Variants in EFCAB11 observed in about 807,000 individuals in gnomAD.
The protein encoded by EFCAB11 is EF-hand calcium binding domain 11.
EFCAB11 carries 14 observed loss-of-function variants against 23.0 expected under a neutral mutation model. That is an observed-to-expected ratio of 0.61 (90% CI 0.40 to 0.95). The LOEUF (loss-of-function observed/expected upper bound fraction) is 0.95, where lower values mean the gene tolerates loss of function less well. Ranked by LOEUF, EFCAB11 falls within the 40% of genes least tolerant of loss-of-function variation. The probability of loss-of-function intolerance (pLI) is 0.00; values close to 1 mark genes in which losing one functional copy is unlikely to be tolerated. For missense variants in EFCAB11, 198 were observed against 195.8 expected (o/e 1.01, Z -0.07); for synonymous variants, 65 against 66.6 (o/e 0.98, Z 0.11).
chr14:89,896,623 A>G (rs1367801376), intron 5 of EFCAB11, among the ~76,000 whole-genome samples: 2 of 152,250 alleles, frequency 1.3e-5, no homozygotes, highest in Non-Finnish European at 2.9e-5. Flanking sequence ...AAGTGTTCAT[A>G]CAGTATTAAT....
At chr14:89,811,938 A>G (rs547317401) in intron 5 of EFCAB11, among the ~76,000 whole-genome samples, 1 of 152,358 alleles carries the variant, frequency 6.6e-6, no homozygotes, top group African/African-American at 2.4e-5. Context: ...CACAAAGAAC[A>G]TGGACATTGG....
chr14:89,913,839 T>C (rs1162211722), intron 5 of EFCAB11, among the ~76,000 whole-genome samples: 1 of 152,192 alleles, frequency 6.6e-6, no homozygotes, highest in Non-Finnish European at 1.5e-5. Flanking sequence ...TTTAAATTTA[T>C]CTTTCTTGCT....
At chr14:89,886,720 A>G (rs1888798035) in intron 5 of EFCAB11, among the ~76,000 whole-genome samples, 1 of 152,134 alleles carries the variant, frequency 6.6e-6, no homozygotes, top group Admixed American at 6.5e-5. Flanking sequence ...TATGTTTAAA[A>G]TATTTCTAAT....
rs183634588 is a variant in EFCAB11 at position 89,826,956 on chromosome 14, C to A, written c.411-29632G>T. Among the ~76,000 whole-genome samples the A allele has an allele frequency of 1.6e-3, 242 of 152,246 alleles. 3 individuals carry two copies. The highest frequency in any genetic ancestry group is 0.016 in the Admixed American group (239 of 15,300). On this transcript the variant is annotated intron_variant, in intron 5 of 5. Coordinates refer to ENST00000316738, the MANE Select transcript of EFCAB11 (RefSeq NM_145231.4). Reference sequence around the variant, plus strand: ...AGCACTGCATTTTGGGCCAAAGACACAATCAAACCATTCCCAGACCACCTG... The same window carrying A: ...AGCACTGCATTTTGGGCCAAAGACAAAATCAAACCATTCCCAGACCACCTG...
At chr14:89,804,341 G>C (rs567067493) in intron 5 of EFCAB11, among the ~76,000 whole-genome samples, 1 of 152,202 alleles carries the variant, frequency 6.6e-6, no homozygotes, top group Non-Finnish European at 1.5e-5. Context: ...GCCTGTGCAC[G>C]AATTATTGAA....
chr14:89,845,025 C>G (rs1007942362), intron 5 of EFCAB11, among the ~76,000 whole-genome samples: 3 of 152,070 alleles, frequency 2.0e-5, no homozygotes, highest in Non-Finnish European at 4.4e-5. Flanking sequence ...AGGAATATAT[C>G]TAACATTAAA....
intron 5 of EFCAB11, among the ~76,000 whole-genome samples, chr14:89,883,370 C>T (rs1888659623): frequency 6.6e-6 from 1 of 152,094 alleles, no homozygotes; most frequent in Non-Finnish European, 1.5e-5. Context: ...ATATAGTCAT[C>T]GCTTGGTATC....
Position 89,954,009 on chromosome 14 carries a change from A to G in EFCAB11, c.76-8T>C, listed in dbSNP as rs375021475. On this transcript the variant is annotated splice_region_variant and splice_polypyrimidine_tract_variant and intron_variant, in intron 1 of 5. Transcript: ENST00000316738. Reference sequence around the variant, plus strand: ...ATCACATGCTTTAAATACCTGAAGAACATTAAATAGCTTTAGTTAATGAGA... The same window carrying G: ...ATCACATGCTTTAAATACCTGAAGAGCATTAAATAGCTTTAGTTAATGAGA... 16 of 1,604,274 alleles carry G rather than the reference A, an allele frequency of 1.0e-5. No individual in the cohort carries two copies. The African/African-American group carries it at 1.7e-4, about 17-fold the overall frequency.
intron 2 of EFCAB11, among the ~76,000 whole-genome samples, chr14:89,950,575 TGAA>T (rs1891133611): frequency 6.6e-6 from 1 of 152,164 alleles, no homozygotes; most frequent in Non-Finnish European, 1.5e-5. Flanking sequence ...CAAAAAATTA[TGAA>T]GAAAATTAAA....
intron 5 of EFCAB11, chr14:89,892,505 GTTAGTATC>G: frequency 7.6e-7 from 1 of 1,312,408 alleles, no homozygotes; most frequent in Middle Eastern, 1.9e-4. Flanking sequence ...GATGGGGAAT[GTTAGTATC>G]TCTCTGGAGG....
At chr14:89,954,426 A>G in intron 1 of EFCAB11, 160 bp downstream of exon 1, 1 of 1,536,818 alleles carries the variant, frequency 6.5e-7, no homozygotes, top group Non-Finnish European at 8.7e-7. Flanking sequence ...GGGAGCCAGG[A>G]GCCCTGCAGC....
At chr14:89,832,705 T>G (rs912977241) in intron 5 of EFCAB11, among the ~76,000 whole-genome samples, 1 of 152,228 alleles carries the variant, frequency 6.6e-6, no homozygotes, top group Non-Finnish European at 1.5e-5. Flanking sequence ...TAGCCTACAG[T>G]TGGGCAAAAT....
At chr14:89,954,028 A>T in intron 1 of EFCAB11, 27 bp from the exon 2 acceptor site, 1 of 1,578,330 alleles carries the variant, frequency 6.3e-7, no homozygotes, top group South Asian at 1.1e-5. Context: ...AGCTTTAGTT[A>T]ATGAGACAGA....
chr14:89,852,438 T>C (rs1887626163), intron 5 of EFCAB11, among the ~76,000 whole-genome samples: 1 of 152,172 alleles, frequency 6.6e-6, no homozygotes, highest in Non-Finnish European at 1.5e-5. Context: ...TTCGCCTTGT[T>C]CGAGGTTATG....
intron 5 of EFCAB11, among the ~76,000 whole-genome samples, chr14:89,819,121 C>A (rs1460589073): frequency 1.3e-5 from 2 of 152,168 alleles, no homozygotes; most frequent in Non-Finnish European, 2.9e-5. Flanking sequence ...TGGAAACAAA[C>A]CCAACGCCCA....
chr14:89,932,751 A>T, intron 3 of EFCAB11, 124 bp from the exon 4 acceptor site: 1 of 795,126 alleles, frequency 1.3e-6, no homozygotes, highest in African/African-American at 1.7e-5. Flanking sequence ...TTTGGTGAAC[A>T]GTATTTACTC....
At chr14:89,893,621 T>C (rs1281386429) in intron 5 of EFCAB11, among the ~76,000 whole-genome samples, 1 of 151,994 alleles carries the variant, frequency 6.6e-6, no homozygotes, top group Non-Finnish European at 1.5e-5. Context: ...ACTCTGAAAG[T>C]CAAACCCAAC....
At chr14:89,832,254 A>G (rs1043013663) in intron 5 of EFCAB11, among the ~76,000 whole-genome samples, 1 of 152,132 alleles carries the variant, frequency 6.6e-6, no homozygotes, top group Non-Finnish European at 1.5e-5. Flanking sequence ...CAGAGGTTGC[A>G]GTGAGCCGAG....
chr14:89,885,537 G>A (rs542961992), intron 5 of EFCAB11, among the ~76,000 whole-genome samples: 9 of 152,210 alleles, frequency 5.9e-5, no homozygotes, highest in African/African-American at 2.2e-4. Context: ...AATTAGCCAG[G>A]CGTGGTAGCG....
Sources: allele counts gnomAD v4.1 joint callset (sites outside exome capture counted in the v4.1 genomes callset), GRCh38; gene constraint gnomAD v4.1.1; transcripts MANE v1.5; gene names NCBI Gene and HGNC (gene_info 2026-07-23, HGNC 2026-07-21).